The following SYT16 variants were observed in gnomAD, a reference collection of about 807,000 sequenced individuals.
SYT16 encodes synaptotagmin 16.
In SYT16, 42 loss-of-function variants were observed where a neutral mutation model predicts 61.4. That is an observed-to-expected ratio of 0.68 (90% CI 0.53 to 0.89). The LOEUF (loss-of-function observed/expected upper bound fraction) is 0.89. Ranked by LOEUF, SYT16 falls within the 40% of genes least tolerant of loss-of-function variation. The pLI is 0.00. For missense variants in SYT16, 804 were observed against 807.3 expected (o/e 1.00, Z 0.05); for synonymous variants, 314 against 302.3 (o/e 1.04, Z -0.40).
intron 3 of SYT16, among the ~76,000 whole-genome samples, chr14:61,997,290 A>G (rs1438022579): frequency 6.6e-6 from 1 of 152,068 alleles, no homozygotes; most frequent in East Asian, 1.9e-4. Flanking sequence ...AATGATATAC[A>G]CAGAAGGGAT....
intron 4 of SYT16, among the ~76,000 whole-genome samples, chr14:62,070,289 A>G (rs1176435976): frequency 6.6e-6 from 1 of 152,232 alleles, no homozygotes; most frequent in Non-Finnish European, 1.5e-5. Context: ...TACGAAATCA[A>G]TGGGTATTTT....
At chr14:62,067,824 CAAAT>C (rs1227131273) in intron 3 of SYT16, among the ~76,000 whole-genome samples, 11 of 140,908 alleles carry the variant, frequency 7.8e-5, no homozygotes, top group East Asian at 2.3e-4. Context: ...AACAAACAAA[CAAAT>C]AAATAAATAA....
chr14:61,871,898 T>C (rs2047343533), intron 1 of SYT16, among the ~76,000 whole-genome samples: 1 of 152,200 alleles, frequency 6.6e-6, no homozygotes, highest in South Asian at 2.1e-4. Context: ...TTGGAGTTGC[T>C]TGACCCTACA....
At chr14:61,994,625 A>G (rs908583360) in intron 2 of SYT16, among the ~76,000 whole-genome samples, 9 of 152,154 alleles carry the variant, frequency 5.9e-5, no homozygotes, top group African/African-American at 1.9e-4. Flanking sequence ...TTGGTTGTAT[A>G]CATGTAGGTG....
chr14:61,992,070 A>G (rs2052575403), intron 2 of SYT16, among the ~76,000 whole-genome samples: 1 of 152,168 alleles, frequency 6.6e-6, no homozygotes, highest in Middle Eastern at 3.2e-3. Flanking sequence ...GTGGACTCCC[A>G]GTCCATTGGA....
intron 1 of SYT16, among the ~76,000 whole-genome samples, chr14:61,951,647 C>G (rs759493757): frequency 3.9e-4 from 60 of 152,038 alleles, no homozygotes; most frequent in Admixed American, 7.9e-4. Context: ...TAAAAATATT[C>G]TCTTTTTATG....
At chr14:61,978,412 C>T (rs948517205) in intron 2 of SYT16, among the ~76,000 whole-genome samples, 8 of 152,216 alleles carry the variant, frequency 5.3e-5, no homozygotes, top group African/African-American at 1.9e-4. Flanking sequence ...GCTTGTCAGA[C>T]ACTTATGATA....
chr14:61,832,995 C>T (rs186104197), intron 1 of SYT16, among the ~76,000 whole-genome samples: 86 of 152,286 alleles, frequency 5.6e-4, no homozygotes, highest in Admixed American at 1.2e-3. Flanking sequence ...GATTCACCCT[C>T]ATGGTGATTC....
chr14:61,912,908 G>A (rs2048987037), intron 1 of SYT16, among the ~76,000 whole-genome samples: 1 of 152,156 alleles, frequency 6.6e-6, no homozygotes, highest in Non-Finnish European at 1.5e-5. Flanking sequence ...GGATGTGGTA[G>A]GCATTCAAGA....
At position 61,889,592 on chromosome 14, in the gene SYT16, C is replaced by G. The variant is rs907605571; in HGVS notation, c.-325+76782C>G. ...TTCCCTCTGCTCGCTCTTGCTCCCT[C>G]TCTCTCTCTCTCTGTCTCCCTCCCT... On this transcript the variant is annotated intron_variant, in intron 1 of 7. Coordinates refer to ENST00000683842, the MANE Select transcript of SYT16 (RefSeq NM_001367656.1). Among the ~76,000 whole-genome samples, 9 of 151,584 alleles carry G rather than the reference C, an allele frequency of 5.9e-5. 1 individual carries two copies. Among genetic ancestry groups the G allele is most frequent in the Admixed American group, 5.9e-4 (9 of 15,234 alleles).
chr14:61,933,464 T>A (rs2049856115), intron 1 of SYT16, among the ~76,000 whole-genome samples: 1 of 152,242 alleles, frequency 6.6e-6, no homozygotes, highest in Non-Finnish European at 1.5e-5. Flanking sequence ...AGTACAGTTA[T>A]GTGATTTTTC....
chr14:62,066,011 A>G (rs1043266223), intron 3 of SYT16, among the ~76,000 whole-genome samples: 1 of 152,178 alleles, frequency 6.6e-6, no homozygotes, highest in Non-Finnish European at 1.5e-5. Flanking sequence ...ACAAAGATGT[A>G]CTCTTATGTT....
At chr14:61,895,629 C>T (rs1374229232) in intron 1 of SYT16, among the ~76,000 whole-genome samples, 1 of 152,250 alleles carries the variant, frequency 6.6e-6, no homozygotes, top group Non-Finnish European at 1.5e-5. Flanking sequence ...ATTACTGCTA[C>T]CCCCACCACT....
chr14:62,063,381 A>G (rs890574075), intron 3 of SYT16, among the ~76,000 whole-genome samples: 1 of 152,224 alleles, frequency 6.6e-6, no homozygotes, highest in African/African-American at 2.4e-5. Flanking sequence ...AAACATTTAA[A>G]AAGTATACCA....
intron 7 of SYT16, among the ~76,000 whole-genome samples, chr14:62,093,642 A>G (rs1488937355): frequency 3.3e-5 from 5 of 152,148 alleles, no homozygotes; most frequent in Non-Finnish European, 5.9e-5. Flanking sequence ...GTAATTTACC[A>G]TATTAACTGG....
chr14:62,068,635 A>G (rs2056164230), intron 3 of SYT16, among the ~76,000 whole-genome samples: 1 of 152,186 alleles, frequency 6.6e-6, no homozygotes, highest in Non-Finnish European at 1.5e-5. Flanking sequence ...TCTAGGAACC[A>G]TTTTACTATC....
intron 3 of SYT16, among the ~76,000 whole-genome samples, chr14:62,023,886 C>T (rs75304326): frequency 0.048 from 7,285 of 152,112 alleles, 301 homozygotes; most frequent in African/African-American, 0.11. Context: ...TATTCTTTTT[C>T]AAACATGTGC....
intron 1 of SYT16, among the ~76,000 whole-genome samples, chr14:61,951,342 G>T (rs1416649194): frequency 6.6e-6 from 1 of 152,180 alleles, no homozygotes; most frequent in Non-Finnish European, 1.5e-5. Flanking sequence ...AGTTAAAATT[G>T]GGAGAGTTTT....
chr14:62,100,407 ACT>A lies in SYT16; in HGVS notation c.1641_1642del (p.Phe548SerfsTer26), dbSNP rs2057392625. The A allele has an allele frequency of 6.2e-7, 1 of 1,604,446 alleles. No homozygotes were observed. Among genetic ancestry groups the A allele is most frequent in the Non-Finnish European group, 8.5e-7 (1 of 1,175,338 alleles). On this transcript the variant is annotated frameshift_variant, in exon 8 of 8. Coordinates refer to ENST00000683842, the MANE Select transcript of SYT16 (RefSeq NM_001367656.1). LOFTEE classifies it high-confidence loss of function. ...TTTTTGTCTTAGATACATATGGAAA[ACT>A]CTTTCTCCTCAATTCTGTGGGTCAA... is the stretch of plus-strand genomic sequence containing the variant. Reference protein sequence around the residue: ...VNRAPDTYGKLFLLNSVGQEM... With the variant: ...VNRAPDTYGKXFLLNSVGQEM...
Sources: gnomAD v4.1 joint callset for allele counts (sites outside exome capture counted in the v4.1 genomes callset) on GRCh38, gnomAD v4.1.1 for gene constraint, MANE v1.5 for transcripts, NCBI Gene and HGNC (gene_info 2026-07-23, HGNC 2026-07-21) for gene names.